TBC1D8: variants seen among roughly 807,000 people sequenced by gnomAD.
TBC1D8 encodes the protein BUB2-like protein 1.
A neutral mutation model predicts 118.8 loss-of-function variants in TBC1D8; 65 were observed. The observed-to-expected ratio is 0.55, with a 90% confidence interval of 0.45 to 0.67. The LOEUF (loss-of-function observed/expected upper bound fraction) is 0.67. TBC1D8 is among the 30% of genes least tolerant of loss of function. The pLI is 0.00. For synonymous variants in TBC1D8, 566 were observed against 595.8 expected (o/e 0.95, Z 0.73); for missense variants, 1,376 against 1,471.2 (o/e 0.94, Z 1.06).
At chr2:101,100,981 C>T (rs1289720696) in intron 1 of TBC1D8, among the ~76,000 whole-genome samples, 3 of 152,164 alleles carry the variant, frequency 2.0e-5, no homozygotes, top group Non-Finnish European at 4.4e-5. Context: ...AGGACATAGA[C>T]ATGAGCACAG....
chr2:101,092,003 A>C (rs1676070690), intron 1 of TBC1D8, among the ~76,000 whole-genome samples: 1 of 152,228 alleles, frequency 6.6e-6, no homozygotes, highest in Non-Finnish European at 1.5e-5. Flanking sequence ...CAGTACAACC[A>C]TCAAATTCAG....
chr2:101,082,599 G>A (rs376669158), intron 2 of TBC1D8, among the ~76,000 whole-genome samples: 143 of 152,296 alleles, frequency 9.4e-4, no homozygotes, highest in African/African-American at 3.2e-3. Context: ...CTGTAAAAAC[G>A]ACGGACTTTC....
chr2:101,050,430 A>T lies in TBC1D8; in HGVS notation c.843T>A (p.Asp281Glu), dbSNP rs764421422. ...TGGTGATCTGGCTCGGCTCCTGCAG[A>T]TCGGGGTCGAGGTCAAAGACCTCAT... is the stretch of plus-strand genomic sequence containing the variant. Reference protein sequence around the residue: ...LDNEVFDLDPDLQEPSQITKR... With the variant: ...LDNEVFDLDPELQEPSQITKR... The change falls in exon 5 of 20, where the codon GAT becomes GAA. Residue 281 changes from aspartate to glutamate, a missense_variant. Coordinates refer to ENST00000409318, the MANE Select transcript of TBC1D8 (RefSeq NM_001330348.2). The T allele has an allele frequency of 9.9e-6, 16 of 1,613,590 alleles. No homozygotes were observed. The highest frequency in any genetic ancestry group is 1.4e-5 in the Non-Finnish European group (16 of 1,179,886).
chr2:101,038,184 CA>C (rs1681147952), intron 7 of TBC1D8, among the ~76,000 whole-genome samples: 1 of 152,182 alleles, frequency 6.6e-6, no homozygotes, highest in Non-Finnish European at 1.5e-5. Flanking sequence ...CCTCTTTTAG[CA>C]GGTTACACGT....
At chr2:101,054,614 G>A (rs1427813023) in intron 3 of TBC1D8, among the ~76,000 whole-genome samples, 1 of 148,858 alleles carries the variant, frequency 6.7e-6, no homozygotes, top group Non-Finnish European at 1.5e-5. Context: ...GAGGCTCTGG[G>A]CAAATCATTT....
chr2:101,065,858 G>A (rs996767760), intron 2 of TBC1D8, among the ~76,000 whole-genome samples: 1 of 152,058 alleles, frequency 6.6e-6, no homozygotes, highest in African/African-American at 2.4e-5. Context: ...ATACTTTTCA[G>A]AAATAAAAGC....
intron 2 of TBC1D8, among the ~76,000 whole-genome samples, chr2:101,085,997 C>T (rs1675596158): frequency 6.6e-6 from 1 of 152,070 alleles, no homozygotes; most frequent in South Asian, 2.1e-4. Context: ...AAAAAATTAG[C>T]TGGGCGTGGT....
At chr2:101,022,728 TGTG>T (rs1298493223) in intron 15 of TBC1D8, among the ~76,000 whole-genome samples, 1 of 152,254 alleles carries the variant, frequency 6.6e-6, no homozygotes, top group East Asian at 1.9e-4. Flanking sequence ...TCTTTCTCAT[TGTG>T]GTAAAATATA....
At chr2:101,045,922 T>G (rs976423196) in intron 5 of TBC1D8, among the ~76,000 whole-genome samples, 1 of 152,050 alleles carries the variant, frequency 6.6e-6, no homozygotes, top group Non-Finnish European at 1.5e-5. Flanking sequence ...GAACCCAGGA[T>G]GTGGAGGCTA....
At chr2:101,052,998 C>G (rs1682166569) in intron 4 of TBC1D8, among the ~76,000 whole-genome samples, 2 of 152,214 alleles carry the variant, frequency 1.3e-5, no homozygotes, top group Non-Finnish European at 2.9e-5. Flanking sequence ...TGCGAAGTGC[C>G]TGCCCTGCAT....
intron 5 of TBC1D8, among the ~76,000 whole-genome samples, chr2:101,045,188 T>C (rs1212822363): frequency 6.6e-6 from 1 of 152,192 alleles, no homozygotes; most frequent in Non-Finnish European, 1.5e-5. Context: ...CAGAAGATTC[T>C]AGAAAAGTTA....
chr2:101,077,487 T>C (rs185280122), intron 2 of TBC1D8, among the ~76,000 whole-genome samples: 30 of 152,324 alleles, frequency 2.0e-4, no homozygotes, highest in African/African-American at 6.7e-4. Flanking sequence ...CACCTCGTGA[T>C]CCACCCGCCT....
chr2:101,137,878 T>A (rs759008703), intron 1 of TBC1D8, among the ~76,000 whole-genome samples: 2 of 152,174 alleles, frequency 1.3e-5, no homozygotes, highest in Non-Finnish European at 2.9e-5. Context: ...GCCAACAGAC[T>A]TGGGTTCTGT....
intron 2 of TBC1D8, among the ~76,000 whole-genome samples, chr2:101,087,521 C>T (rs1198874809): frequency 6.6e-6 from 1 of 151,272 alleles, no homozygotes; most frequent in Non-Finnish European, 1.5e-5. Flanking sequence ...CGCATGCTTG[C>T]AATCCCAGCT....
chr2:101,091,053 C>T (rs757609719), intron 1 of TBC1D8, among the ~76,000 whole-genome samples: 4 of 151,980 alleles, frequency 2.6e-5, no homozygotes, highest in African/African-American at 4.8e-5. Context: ...GAGGCCAAGG[C>T]GGGAGGATCA....
intron 1 of TBC1D8, among the ~76,000 whole-genome samples, chr2:101,113,889 T>G (rs940916124): frequency 6.6e-6 from 1 of 152,178 alleles, no homozygotes; most frequent in East Asian, 1.9e-4. Context: ...AAACAAATCT[T>G]GAAAAGGAAT....
rs779862260 is a variant in TBC1D8 at position 101,040,307 on chromosome 2, A to G, written c.951T>C (p.Val317=). The G allele has an allele frequency of 9.9e-6, 16 of 1,613,900 alleles. No individual in the cohort carries two copies. Among genetic ancestry groups the G allele is most frequent in the African/African-American group, 1.3e-5 (1 of 74,930 alleles). ...RLPRKEKLHA[V]VDCSLWTPFS... Reference sequence around the variant, plus strand: ...ACGGCGTCCAGAGCGAACAGTCCACAACCGCGTGCAGCTTCTCCTTCCTCG... The same window carrying G: ...ACGGCGTCCAGAGCGAACAGTCCACGACCGCGTGCAGCTTCTCCTTCCTCG... Residue 317 remains valine (V), a synonymous_variant, in exon 6 of 20, where the codon GTT becomes GTC. Transcript: ENST00000409318.
Position 101,012,794 on chromosome 2 carries a change from TAAATC to T in TBC1D8, c.2828-1259_2828-1255del, listed in dbSNP as rs530255656. On this transcript the variant is annotated intron_variant, in intron 17 of 19. Coordinates refer to ENST00000409318, the MANE Select transcript of TBC1D8 (RefSeq NM_001330348.2). ...TATTCGTAAACCATTTCACTGAAAA[TAAATC>T]AAAGGCAAAATTCAGCTGTGATTCA... Among the ~76,000 whole-genome samples the T allele has an allele frequency of 4.2e-3, 641 of 152,274 alleles. 1 individual carries two copies. The highest frequency in any genetic ancestry group is 7.2e-3 in the Non-Finnish European group (492 of 68,012).
chr2:101,085,536 G>A (rs569187462), intron 2 of TBC1D8, among the ~76,000 whole-genome samples: 8 of 152,152 alleles, frequency 5.3e-5, no homozygotes, highest in Non-Finnish European at 7.3e-5. Context: ...GTCACACTAC[G>A]TTAGCGCCAA....
Sources: allele counts gnomAD v4.1 joint callset (sites outside exome capture counted in the v4.1 genomes callset), GRCh38; gene constraint gnomAD v4.1.1; transcripts MANE v1.5; gene names NCBI Gene and HGNC (gene_info 2026-07-23, HGNC 2026-07-21).